POLA1: variants seen among roughly 807,000 people sequenced by gnomAD.
POLA1 encodes DNA polymerase alpha catalytic subunit.
In POLA1, 15 loss-of-function variants were observed where a neutral mutation model predicts 124.0. The ratio of observed to expected loss-of-function variants is 0.12; its 90% CI spans 0.08 to 0.19. The LOEUF (loss-of-function observed/expected upper bound fraction) is 0.19, where lower values mean the gene tolerates loss of function less well. Ranked by LOEUF, POLA1 falls within the 10% of genes least tolerant of loss-of-function variation. The probability of loss-of-function intolerance (pLI) is 1.00; values close to 1 mark genes in which losing one functional copy is unlikely to be tolerated. For synonymous variants in POLA1, 408 were observed against 389.4 expected (o/e 1.05, Z -0.56); for missense variants, 886 against 1,103.4 (o/e 0.80, Z 2.79).
chrX:24,758,806 A>C (rs1932742941), intron 26 of POLA1, among the ~76,000 whole-genome samples: 1 of 111,735 alleles, frequency 8.9e-6, no homozygotes, highest in African/African-American at 3.3e-5. Context: ...CAGCCTCCCG[A>C]GTAGCTGGGA....
chrX:24,989,340 A>G lies in POLA1; in HGVS notation c.4262-6465A>G, dbSNP rs368011555. ...CCAGGATTCGACTTGACTCTGTCCC[A>G]ACCCCCTAACCCCCCTGAGCACCAC... On this transcript the variant is annotated intron_variant, in intron 36 of 36. Transcript: ENST00000379068. Among the ~76,000 whole-genome samples the G allele has an allele frequency of 8.1e-5, 9 of 111,791 alleles. No individual in the cohort carries two copies. The South Asian group carries it at 1.5e-3, about 19-fold the overall frequency.
At chrX:24,884,406 C>T (rs1328015606) in intron 34 of POLA1, among the ~76,000 whole-genome samples, 1 of 111,966 alleles carries the variant, frequency 8.9e-6, no homozygotes, top group Admixed American at 9.5e-5. Flanking sequence ...GCCTCGGCCT[C>T]CCAAAGTGCT....
intron 26 of POLA1, among the ~76,000 whole-genome samples, chrX:24,761,006 A>G (rs1043656183): frequency 5.4e-5 from 6 of 111,884 alleles, no homozygotes; most frequent in African/African-American, 2.0e-4. Flanking sequence ...CAACATTAAA[A>G]TTTTTTCTTT....
At position 24,830,695 on chromosome X, in the gene POLA1, G is replaced by A. The variant is rs374124761; in HGVS notation, c.3736+4094G>A. On this transcript the variant is annotated intron_variant, in intron 32 of 36. Transcript: ENST00000379068. The stretch of plus-strand genomic sequence containing the variant: ...CTCTCATTCTATTGAAAGCTCTCCC[G>A]TATTCTGTGGATGAAATATTCACAG... Among the ~76,000 whole-genome samples the A allele has an allele frequency of 2.2e-4, 25 of 111,898 alleles. No individual in the cohort carries two copies. In the South Asian group the frequency reaches 8.2e-3, roughly 37 times the overall value.
At chrX:24,942,276 AG>A (rs1391457199) in intron 36 of POLA1, among the ~76,000 whole-genome samples, 2 of 112,467 alleles carry the variant, frequency 1.8e-5, no homozygotes, top group African/African-American at 6.5e-5. Context: ...ACTCTCCCAA[AG>A]TAGCAAAGCT....
intron 35 of POLA1, among the ~76,000 whole-genome samples, chrX:24,917,844 A>T (rs1291860451): frequency 2.0e-4 from 22 of 111,891 alleles, no homozygotes; most frequent in Non-Finnish European, 7.5e-5. Flanking sequence ...AAATAGGAGG[A>T]TATAGTTAAT....
intron 36 of POLA1, among the ~76,000 whole-genome samples, chrX:24,957,731 G>A (rs921213356): frequency 4.5e-5 from 5 of 111,644 alleles, no homozygotes; most frequent in African/African-American, 1.6e-4. Context: ...GTTGCCTGTA[G>A]GAAATGGGGG....
chrX:24,957,413 A>G (rs185460397), intron 36 of POLA1, among the ~76,000 whole-genome samples: 4 of 111,110 alleles, frequency 3.6e-5, no homozygotes, highest in East Asian at 5.7e-4. Context: ...ATGTGGCAGT[A>G]TCTAGTAAAG....
chrX:24,835,521 T>C (rs908874069), intron 32 of POLA1, among the ~76,000 whole-genome samples: 3 of 111,258 alleles, frequency 2.7e-5, no homozygotes, highest in Non-Finnish European at 3.8e-5. Context: ...CTTGTTTGGA[T>C]TGGAATCCAG....
intron 34 of POLA1, among the ~76,000 whole-genome samples, chrX:24,849,909 C>T (rs1248818633): frequency 9.0e-6 from 1 of 111,455 alleles, no homozygotes. Flanking sequence ...GGATTACAGA[C>T]GTGAGCCACC....
intron 25 of POLA1, 120 bp from the exon 26 acceptor site, chrX:24,748,750 C>T (rs1010576240): frequency 2.7e-6 from 2 of 752,107 alleles, no homozygotes; most frequent in Non-Finnish European, 3.9e-6. Flanking sequence ...TATATTAATT[C>T]TTTTTTATTC....
chrX:24,868,349 G>C lies in POLA1; in HGVS notation c.4048-19657G>C, dbSNP rs774399253. Among the ~76,000 whole-genome samples, 5 of 112,049 alleles carry C rather than the reference G, an allele frequency of 4.5e-5. No homozygotes were observed. In the Admixed American group the frequency reaches 4.7e-4, roughly 11 times the overall value. The stretch of plus-strand genomic sequence containing the variant: ...AGATGGTGCACTGGATTGTTTTGGA[G>C]CTTTCAGACAGGACTTACATACATC... On this transcript the variant is annotated intron_variant, in intron 34 of 36. Coordinates refer to ENST00000379068, the MANE Select transcript of POLA1 (RefSeq NM_001330360.2).
At chrX:24,898,306 A>G (rs1314936721) in intron 35 of POLA1, among the ~76,000 whole-genome samples, 2 of 112,145 alleles carry the variant, frequency 1.8e-5, no homozygotes, top group Admixed American at 9.4e-5. Flanking sequence ...AAGCGAGTCC[A>G]TTTATCGCCT....
chrX:24,923,239 G>A (rs1021527437), intron 35 of POLA1, among the ~76,000 whole-genome samples: 4 of 111,693 alleles, frequency 3.6e-5, no homozygotes, highest in African/African-American at 9.8e-5. Context: ...TAAATTACCC[G>A]AAATTTGCAG....
At chrX:24,920,694 G>A (rs768981410) in intron 35 of POLA1, among the ~76,000 whole-genome samples, 3 of 111,949 alleles carry the variant, frequency 2.7e-5, no homozygotes, top group Admixed American at 9.5e-5. Context: ...TTTCTTATAT[G>A]TAAAATGAGG....
intron 36 of POLA1, among the ~76,000 whole-genome samples, chrX:24,947,082 C>G (rs373033050): frequency 9.1e-5 from 10 of 109,559 alleles, no homozygotes; most frequent in South Asian, 4.0e-4. Flanking sequence ...TTTGTTTAAA[C>G]CTTTAGGTTA....
chrX:24,969,750 C>T (rs1251406227), intron 36 of POLA1, among the ~76,000 whole-genome samples: 1 of 110,721 alleles, frequency 9.0e-6, no homozygotes, highest in Non-Finnish European at 1.9e-5. Flanking sequence ...CAGATCATCC[C>T]ATCACCTAGG....
intron 26 of POLA1, among the ~76,000 whole-genome samples, chrX:24,806,048 A>G (rs1325866079): frequency 6.3e-5 from 3 of 47,464 alleles, no homozygotes; most frequent in African/African-American, 2.5e-4. Flanking sequence ...TTTATGTGGT[A>G]TGAGGTTTTT....
At chrX:24,807,162 G>A (rs1247354093) in intron 26 of POLA1, among the ~76,000 whole-genome samples, 1 of 111,986 alleles carries the variant, frequency 8.9e-6, no homozygotes, top group African/African-American at 3.3e-5. Context: ...CACATTGAAG[G>A]TACACTCAGG....
Sources: gnomAD v4.1 joint callset for allele counts (sites outside exome capture counted in the v4.1 genomes callset) on GRCh38, gnomAD v4.1.1 for gene constraint, MANE v1.5 for transcripts, NCBI Gene and HGNC (gene_info 2026-07-23, HGNC 2026-07-21) for gene names.